Variants in LRP1B observed in about 807,000 individuals in gnomAD.
LRP1B encodes the protein LDL receptor related protein 1B.
Under a neutral mutation model 556.6 loss-of-function variants are expected in LRP1B, and 217 were observed. The ratio of observed to expected loss-of-function variants is 0.39; its 90% CI spans 0.35 to 0.44. The LOEUF is 0.44. Ranked by LOEUF, LRP1B falls within the 20% of genes least tolerant of loss-of-function variation. The probability of loss-of-function intolerance (pLI) is 1.00; values close to 1 mark genes in which losing one functional copy is unlikely to be tolerated. For missense variants in LRP1B, 5,053 were observed against 5,620.8 expected (o/e 0.90, Z 3.23); for synonymous variants, 2,047 against 1,865.8 (o/e 1.10, Z -2.50).
chr2:141,216,589 C>T (rs1682825262), intron 6 of LRP1B, among the ~76,000 whole-genome samples: 1 of 152,096 alleles, frequency 6.6e-6, no homozygotes, highest in Non-Finnish European at 1.5e-5. Context: ...CTGGAAAAGC[C>T]ACAGGCACTC....
Position 141,947,880 on chromosome 2 carries a change from T to C in LRP1B, c.83-137479A>G, listed in dbSNP as rs139082039. On this transcript the variant is annotated intron_variant, in intron 1 of 90. Transcript: ENST00000389484. ...CAAAGACAGTTGAAACTCACATCTG[T>C]TGAGCTGTGGTTTTGAGACGTAGAA... 1.4e-3 allele frequency among the ~76,000 whole-genome samples: 211 copies of C among 152,110 alleles called. 6 individuals are homozygous for C. In the East Asian group the frequency reaches 0.032, roughly 23 times the overall value.
At chr2:140,383,114 C>T (rs74889228) in intron 67 of LRP1B, among the ~76,000 whole-genome samples, 3,105 of 152,158 alleles carry the variant, frequency 0.02, 37 homozygotes, top group African/African-American at 0.028. Context: ...AAATGTATCC[C>T]CACTGTTAAG....
chr2:140,487,880 C>T (rs1320266086), intron 57 of LRP1B, 141 bp from the exon 58 acceptor site: 3 of 481,054 alleles, frequency 6.2e-6, no homozygotes, highest in South Asian at 8.5e-5. Context: ...TACCAGTTCT[C>T]ATTAAAAGTA....
chr2:140,928,751 T>C (rs1045831676), intron 20 of LRP1B, among the ~76,000 whole-genome samples: 7 of 151,942 alleles, frequency 4.6e-5, no homozygotes, highest in Non-Finnish European at 8.8e-5. Flanking sequence ...AAAAGGGTGA[T>C]TACAGAAGGT....
chr2:140,828,466 G>A (rs926057143), intron 31 of LRP1B, among the ~76,000 whole-genome samples: 32 of 148,752 alleles, frequency 2.2e-4, no homozygotes, highest in African/African-American at 5.7e-4. Context: ...AAAATTAGCC[G>A]GGCGTGGTAG....
chr2:141,026,686 A>T (rs1379235498), intron 11 of LRP1B, among the ~76,000 whole-genome samples: 1 of 152,090 alleles, frequency 6.6e-6, no homozygotes, highest in Non-Finnish European at 1.5e-5. Context: ...TCTTAATAAT[A>T]ATTTATCTAA....
Position 142,027,974 on chromosome 2 carries a change from T to C in LRP1B, c.82+102674A>G, listed in dbSNP as rs1574610074. The stretch of plus-strand genomic sequence containing the variant: ...TGGTGAATGTTGATTGAGTGGTTAA[T>C]GTCTTGTTTTATCACTACTTACAAG... On this transcript the variant is annotated intron_variant, in intron 1 of 90. Coordinates refer to ENST00000389484, the MANE Select transcript of LRP1B (RefSeq NM_018557.3). Among the ~76,000 whole-genome samples, 2 of 152,018 alleles carry C rather than the reference T, an allele frequency of 1.3e-5. 1 individual carries two copies. Among genetic ancestry groups the C allele is most frequent in the Non-Finnish European group, 2.9e-5 (2 of 67,960 alleles).
At chr2:140,240,408 C>T (rs112637315) in intron 87 of LRP1B, among the ~76,000 whole-genome samples, 1,724 of 150,630 alleles carry the variant, frequency 0.011, 40 homozygotes, top group African/African-American at 0.041. Flanking sequence ...ATGGAGGAGA[C>T]TTGGTTTTCT....
chr2:141,336,437 G>T (rs1010428122), intron 3 of LRP1B, among the ~76,000 whole-genome samples: 15 of 152,094 alleles, frequency 9.9e-5, no homozygotes, highest in African/African-American at 3.6e-4. Flanking sequence ...AATCACCTAA[G>T]TCAGAATCAT....
chr2:141,776,080 T>C lies in LRP1B; in HGVS notation c.205+34199A>G, dbSNP rs577882230. 3.9e-5 allele frequency among the ~76,000 whole-genome samples: 6 copies of C among 152,252 alleles called. No individual in the cohort carries two copies. The South Asian group carries it at 1.2e-3, about 32-fold the overall frequency. On this transcript the variant is annotated intron_variant, in intron 2 of 90. Coordinates refer to ENST00000389484, the MANE Select transcript of LRP1B (RefSeq NM_018557.3). The stretch of plus-strand genomic sequence containing the variant: ...CCAGGATGGTCTCGATCTCCTGACC[T>C]CATGATCTGCCTGCCTTGGCCTCCC...
intron 31 of LRP1B, among the ~76,000 whole-genome samples, chr2:140,815,287 A>G (rs767388329): frequency 5.3e-5 from 8 of 151,782 alleles, no homozygotes; most frequent in Non-Finnish European, 1.2e-4. Flanking sequence ...CATTAAATGC[A>G]TTTATCTCTA....
intron 1 of LRP1B, among the ~76,000 whole-genome samples, chr2:142,045,797 C>T (rs1704238852): frequency 6.6e-6 from 1 of 151,838 alleles, no homozygotes; most frequent in Admixed American, 6.6e-5. Context: ...TGCCCAGTGC[C>T]ACATTGTCTG....
intron 11 of LRP1B, among the ~76,000 whole-genome samples, chr2:141,022,456 T>A (rs943720789): frequency 6.6e-6 from 1 of 152,028 alleles, no homozygotes; most frequent in African/African-American, 2.4e-5. Flanking sequence ...ATTAATTCCT[T>A]TCTCCACAAA....
intron 1 of LRP1B, among the ~76,000 whole-genome samples, chr2:141,819,277 T>C (rs998522550): frequency 2.0e-5 from 3 of 151,902 alleles, no homozygotes; most frequent in African/African-American, 7.3e-5. Context: ...ACAAAAAACT[T>C]TCCCAGTGAA....
chr2:140,350,885 A>G lies in LRP1B; in HGVS notation c.11804T>C (p.Ile3935Thr), dbSNP rs1017563216. ...TGGATTAAACTGAGTACTCCAAATAATCATATCTCTTTGATAATATACATC... is the reference window on the plus strand; with the variant it reads ...TGGATTAAACTGAGTACTCCAAATAGTCATATCTCTTTGATAATATACATC... ...GMDVYYQRDM[I>T]IWSTQFNPGG... The change falls in exon 77 of 91, where the codon ATT (isoleucine) becomes ACT (threonine). Residue 3935 changes from isoleucine to threonine, a missense_variant. Ile to Thr is a moderately conservative substitution (Grantham distance 89). Coordinates refer to ENST00000389484, the MANE Select transcript of LRP1B (RefSeq NM_018557.3). 2 of 1,609,916 alleles carry G rather than the reference A, an allele frequency of 1.2e-6. No homozygotes were observed. The highest frequency in any genetic ancestry group is 1.7e-6 in the Non-Finnish European group (2 of 1,177,006).
chr2:140,730,655 G>C (rs562509976), intron 35 of LRP1B, among the ~76,000 whole-genome samples: 1 of 152,114 alleles, frequency 6.6e-6, no homozygotes, highest in Admixed American at 6.5e-5. Flanking sequence ...TGCCTCCCAG[G>C]TTCAAGTGAT....
intron 35 of LRP1B, among the ~76,000 whole-genome samples, chr2:140,758,267 A>C (rs1034328826): frequency 7.0e-6 from 1 of 142,268 alleles, no homozygotes; most frequent in Admixed American, 7.0e-5. Context: ...AACATAGGAG[A>C]GCGTTCATGT....
chr2:140,637,012 C>T lies in LRP1B; in HGVS notation c.6800-35373G>A, dbSNP rs17201673. ...TAAGAAATAAACTTTGAATCTGTCCCGGTGAGAGTTTATTTTATTAATGGC... is the reference window on the plus strand; with the variant it reads ...TAAGAAATAAACTTTGAATCTGTCCTGGTGAGAGTTTATTTTATTAATGGC... On this transcript the variant is annotated intron_variant, in intron 41 of 90. Coordinates refer to ENST00000389484, the MANE Select transcript of LRP1B (RefSeq NM_018557.3). Among the ~76,000 whole-genome samples, 546 of 152,102 alleles carry T rather than the reference C, an allele frequency of 3.6e-3. 2 individuals are homozygous for T. The highest frequency in any genetic ancestry group is 0.013 in the African/African-American group (528 of 41,480).
At chr2:140,491,705 G>A (rs1197260767) in intron 57 of LRP1B, among the ~76,000 whole-genome samples, 4 of 151,998 alleles carry the variant, frequency 2.6e-5, no homozygotes, top group African/African-American at 7.2e-5. Flanking sequence ...TGTTATTTAT[G>A]TCTTAAATAG....
Sources: gnomAD v4.1 joint callset for allele counts (sites outside exome capture counted in the v4.1 genomes callset) on GRCh38, gnomAD v4.1.1 for gene constraint, MANE v1.5 for transcripts, NCBI Gene and HGNC (gene_info 2026-07-23, HGNC 2026-07-21) for gene names.